Variants in ARMCX4 observed in about 807,000 individuals in gnomAD.
ARMCX4 encodes the protein armadillo repeat containing X-linked 4.
ARMCX4 carries 3 observed loss-of-function variants against 34.7 expected under a neutral mutation model. The observed-to-expected ratio is 0.09, with a 90% CI of 0.04 to 0.22. The LOEUF is 0.22. Among genes scored for constraint, ARMCX4 ranks in the 10% least tolerant of loss-of-function variants. The probability of loss-of-function intolerance (pLI) is 1.00; values close to 1 mark genes in which losing one functional copy is unlikely to be tolerated. For missense variants in ARMCX4, 1,448 were observed against 1,720.8 expected (o/e 0.84, Z 2.81); for synonymous variants, 513 against 632.8 (o/e 0.81, Z 2.84).
downstream of ARMCX4, among the ~76,000 whole-genome samples, chrX:101,452,867 T>TATTATTATTA (rs1555999344): frequency 5.9e-5 from 6 of 102,159 alleles, no homozygotes; most frequent in Admixed American, 1.1e-4. Flanking sequence ...GGCTGTTTGT[T>TATTATTATTA]TTATTATTAT....
At position 101,490,483 on chromosome X, in the gene ARMCX4, G is replaced by A. The variant is rs1416054964; in HGVS notation, c.1894G>A (p.Ala632Thr). The A allele has an allele frequency of 3.5e-6, 4 of 1,155,522 alleles. No homozygotes were observed. Among genetic ancestry groups the A allele is most frequent in the Non-Finnish European group, 4.6e-6 (4 of 872,795 alleles). ...EGTTDSAQPEAVVSFQGEALL... is the reference protein window; with the variant it reads ...EGTTDSAQPETVVSFQGEALL... ...TACAACAGACTCTGCCCAGCCTGAG[G>A]CAGTGGTCAGTTTCCAGGGTGAGGC... Residue 632 changes from alanine to threonine, a missense_variant, in exon 6 of 6, where the codon GCA (alanine) becomes ACA (threonine). Coordinates refer to ENST00000423738, the MANE Select transcript of ARMCX4 (RefSeq NM_001256155.3).
At chrX:101,502,043 G>T (rs1934312366) in intron 7 of ARMCX4, among the ~76,000 whole-genome samples, 1 of 112,256 alleles carries the variant, frequency 8.9e-6, no homozygotes, top group African/African-American at 3.2e-5. Context: ...GGGTTGTGGA[G>T]CAAAGCCATG....
chrX:101,454,197 GA>G lies in ARMCX4; in HGVS notation c.-473+8160del, dbSNP rs1417854704. On this transcript the variant is annotated intron_variant and NMD_transcript_variant, in intron 4 of 15. Transcript: ENST00000433011. ...GAAAATGTTTAACAATCAGTTCTCT[GA>G]AAAAAATAAAAGCTCTGATCTGTAG... is the stretch of plus-strand genomic sequence containing the variant. 6.5e-5 allele frequency among the ~76,000 whole-genome samples: 7 copies of G among 108,489 alleles called. No homozygotes were observed. The Admixed American group carries it at 6.8e-4, about 11-fold the overall frequency. 94.2% of individuals were successfully genotyped at this position (108,489 alleles called of 115,157 possible).
rs1934054827 is a variant in ARMCX4 at position 101,493,336 on chromosome X, G to C, written c.4747G>C (p.Gly1583Arg). The C allele has an allele frequency of 8.7e-7, 1 of 1,155,698 alleles. No homozygotes were observed. The highest frequency in any genetic ancestry group is 1.8e-5 in the African/African-American group (1 of 56,313). The change falls in exon 6 of 6, where the codon GGG becomes CGG. Residue 1583 changes from glycine to arginine, a missense_variant. By Grantham distance (125) the Gly-to-Arg change is moderately radical. This residue lies in a region of ARMCX4 where 1,343 missense variants were observed against 1,540.7 expected (regional missense o/e 0.87). Coordinates refer to ENST00000423738, the MANE Select transcript of ARMCX4 (RefSeq NM_001256155.3). ...KPGFEDQAIGGGFWPGAGDQT... is the reference protein window; with the variant it reads ...KPGFEDQAIGRGFWPGAGDQT... Reference sequence around the variant, plus strand: ...TGGATTTGAGGATCAGGCCATTGGAGGGGGGTTCTGGCCTGGTGCTGGGGA... The same window carrying C: ...TGGATTTGAGGATCAGGCCATTGGACGGGGGTTCTGGCCTGGTGCTGGGGA...
At position 101,462,387 on chromosome X, in the gene ARMCX4, A is replaced by G. The variant is rs889061701; in HGVS notation, c.-473+16343A>G. On this transcript the variant is annotated intron_variant and NMD_transcript_variant, in intron 4 of 15. Coordinates refer to the ARMCX4 transcript ENST00000433011. ...GCCGGCGCAGTGGCTCACGCCTGTAATTCCAGTACTTTGGGAGGCTGAAGC... is the reference window on the plus strand; with the variant it reads ...GCCGGCGCAGTGGCTCACGCCTGTAGTTCCAGTACTTTGGGAGGCTGAAGC... Among the ~76,000 whole-genome samples, 11 of 111,286 alleles carry G rather than the reference A, an allele frequency of 9.9e-5. 1 individual carries two copies. In the Middle Eastern group the frequency reaches 0.014, roughly 139 times the overall value.
At chrX:101,440,768 C>A (rs190563763) in intron 2 of ARMCX4, among the ~76,000 whole-genome samples, 1 of 111,268 alleles carries the variant, frequency 9.0e-6, no homozygotes, top group African/African-American at 3.3e-5. Flanking sequence ...TAGGACCCTC[C>A]GAGCCAGGTG....
chrX:101,489,455 A>G lies in ARMCX4; in HGVS notation c.866A>G (p.Gln289Arg). 8.7e-7 allele frequency: 1 copy of G among 1,155,459 alleles called. No individual in the cohort carries two copies. Among genetic ancestry groups the G allele is most frequent in the Non-Finnish European group, 1.1e-6 (1 of 872,493 alleles). ...CAGTCTCAGGCTGTGACCAAGATCC[A>G]GGGTGATGACATGCCTGGTACTGGG... The part of the protein sequence containing the change: ...CAQSQAVTKI[Q>R]GDDMPGTGVE... Residue 289 changes from glutamine to arginine, a missense_variant, in exon 6 of 6, where the codon CAG becomes CGG. This residue lies in a region of ARMCX4 where 1,343 missense variants were observed against 1,540.7 expected (regional missense o/e 0.87). Coordinates refer to ENST00000423738, the MANE Select transcript of ARMCX4 (RefSeq NM_001256155.3).
rs1430730470 is a variant in ARMCX4, at chrX:101,515,360, T to TTTCTTTCTTTCTTTCC, written c.*1780+4320_*1780+4321insCTTCTTTCTTTCTTTC. 2.6e-4 allele frequency among the ~76,000 whole-genome samples: 13 copies of TTTCTTTCTTTCTTTCC among 49,074 alleles called. 1 individual carries two copies. The highest frequency in any genetic ancestry group is 4.9e-4 in the Non-Finnish European group (13 of 26,517). The allele number at this position is 49,074 out of a possible 115,157, so 42.6% of individuals were successfully genotyped here. ...TCCTTTCCTTTTCTTTCTTTCTTTC[T>TTTCTTTCTTTCTTTCC]TTCTTTCTTTCTTTCTTTCTTTTTC... On this transcript the variant is annotated intron_variant and NMD_transcript_variant, in intron 11 of 12. Coordinates refer to the ARMCX4 transcript ENST00000354842.
chrX:101,436,137 G>C (rs146195875), intron 2 of ARMCX4, among the ~76,000 whole-genome samples: 15,369 of 105,387 alleles, frequency 0.15, 1,275 homozygotes, highest in Non-Finnish European at 0.22. Flanking sequence ...GCTCTTTTTT[G>C]GTTCCATATG....
At position 101,494,633 on chromosome X, in the gene ARMCX4, C is replaced by G. The variant is rs1556011286; in HGVS notation, c.6044C>G (p.Ser2015Cys). The G allele has an allele frequency of 8.7e-7, 1 of 1,155,555 alleles. No homozygotes were observed. Among genetic ancestry groups the G allele is most frequent in the Admixed American group, 2.6e-5 (1 of 38,731 alleles). The change falls in exon 6 of 6, where the codon TCC becomes TGC. Residue 2015 changes from serine (S) to cysteine (C), a missense_variant. Around this residue, in one of 2 missense-constraint regions of ARMCX4, gnomAD observed 1,343 missense variants for 1,540.7 expected, o/e 0.87. Transcript: ENST00000423738. Reference sequence around the variant, plus strand: ...GCCAGCTTCCCAGTTGAAGATGAGTCCAGAAAACAAACCAGGACTGGGGAA... The same window carrying G: ...GCCAGCTTCCCAGTTGAAGATGAGTGCAGAAAACAAACCAGGACTGGGGAA... ...SEASFPVEDESRKQTRTGEKT... is the reference protein window; with the variant it reads ...SEASFPVEDECRKQTRTGEKT...
At chrX:101,460,240 C>T (rs982087821) in intron 4 of ARMCX4, among the ~76,000 whole-genome samples, 7 of 112,266 alleles carry the variant, frequency 6.2e-5, no homozygotes, top group Admixed American at 4.7e-4. Flanking sequence ...GGGCCATTCA[C>T]TCAGGCAGGG....
Position 101,528,354 on chromosome X carries a change from A to G in ARMCX4, c.*1781-3290A>G, listed in dbSNP as rs1430886279. Among the ~76,000 whole-genome samples, 6 of 112,033 alleles carry G rather than the reference A, an allele frequency of 5.4e-5. No individual in the cohort carries two copies. In the Admixed American group the frequency reaches 5.7e-4, roughly 11 times the overall value. The stretch of plus-strand genomic sequence containing the variant: ...TATATCAAAATAATAAGAGCTATTT[A>G]TGATAAAGCCACAGCCAATGTCATA... On this transcript the variant is annotated intron_variant and NMD_transcript_variant, in intron 11 of 12. Transcript: ENST00000354842.
Position 101,490,247 on chromosome X carries a change from G to C in ARMCX4, c.1658G>C (p.Gly553Ala). 1.7e-6 allele frequency: 2 copies of C among 1,154,751 alleles called. No homozygotes were observed. Among genetic ancestry groups the C allele is most frequent in the Non-Finnish European group, 2.3e-6 (2 of 872,609 alleles). The change falls in exon 6 of 6, where the codon GGG becomes GCG. Residue 553 changes from glycine (G) to alanine (A), a missense_variant. Transcript: ENST00000423738. ...DMKTCTQPQA[G>A]VKTPAEALLD... ...AAAACCTGTACACAACCTCAGGCTGGGGTCAAGACCCCAGCTGAGGCCTTG... is the reference window on the plus strand; with the variant it reads ...AAAACCTGTACACAACCTCAGGCTGCGGTCAAGACCCCAGCTGAGGCCTTG...
At chrX:101,503,219 TATTGTGA>T (rs1934350629) in intron 7 of ARMCX4, among the ~76,000 whole-genome samples, 1 of 110,823 alleles carries the variant, frequency 9.0e-6, no homozygotes, top group South Asian at 3.9e-4. Flanking sequence ...AAGTCTTTGC[TATTGTGA>T]ATAGTGTTGC....
intron 11 of ARMCX4, among the ~76,000 whole-genome samples, chrX:101,525,649 A>T (rs1006988087): frequency 3.6e-5 from 4 of 111,370 alleles, no homozygotes; most frequent in Admixed American, 9.6e-5. Context: ...GCTGAAAACC[A>T]TGTCACAAGA....
intron 2 of ARMCX4, among the ~76,000 whole-genome samples, chrX:101,442,605 A>G (rs1338283167): frequency 9.0e-6 from 1 of 111,585 alleles, no homozygotes; most frequent in Non-Finnish European, 1.9e-5. Context: ...AGGGTAGAAG[A>G]GATATGTTTT....
intron 4 of ARMCX4, among the ~76,000 whole-genome samples, chrX:101,469,084 A>G (rs1400132683): frequency 2.7e-5 from 3 of 112,211 alleles, no homozygotes; most frequent in Non-Finnish European, 5.6e-5. Context: ...CTTTTGTGCC[A>G]GGAAAACAGG....
At chrX:101,467,109 A>G (rs1004362180) in intron 4 of ARMCX4, among the ~76,000 whole-genome samples, 1 of 112,153 alleles carries the variant, frequency 8.9e-6, no homozygotes, top group African/African-American at 3.2e-5. Flanking sequence ...AAATACACAA[A>G]TATTAAGAAC....
chrX:101,493,702 G>A lies in ARMCX4; in HGVS notation c.5113G>A (p.Ala1705Thr), dbSNP rs1934069374. The A allele has an allele frequency of 8.7e-7, 1 of 1,154,277 alleles. No individual in the cohort carries two copies. Among genetic ancestry groups the A allele is most frequent in the Non-Finnish European group, 1.1e-6 (1 of 872,468 alleles). ...GGSRMGSEDQATGGSWARSED... is the reference protein window; with the variant it reads ...GGSRMGSEDQTTGGSWARSED... ...ATCTAGGATGGGATCTGAGGACCAG[G>A]CCACTGGAGGATCCTGGGCTAGATC... Residue 1705 changes from alanine to threonine, a missense_variant, in exon 6 of 6, where the codon GCC (alanine) becomes ACC (threonine). By Grantham distance (58) the Ala-to-Thr change is moderately conservative. This residue lies in a region of ARMCX4 where 1,343 missense variants were observed against 1,540.7 expected (regional missense o/e 0.87). Transcript: ENST00000423738.
Sources: gnomAD v4.1 joint callset for allele counts (sites outside exome capture counted in the v4.1 genomes callset) on GRCh38, gnomAD v4.1.1 for gene constraint, gnomAD v4.1.1 regional missense constraint, MANE v1.5 for transcripts, NCBI Gene and HGNC (gene_info 2026-07-23, HGNC 2026-07-21) for gene names.